PMFBP1: variants seen among roughly 807,000 people sequenced by gnomAD.
PMFBP1 encodes polyamine-modulated factor 1-binding protein 1.
A neutral mutation model predicts 137.8 loss-of-function variants in PMFBP1; 131 were observed. The observed-to-expected ratio is 0.95, with a 90% CI of 0.82 to 1.10. PMFBP1 has a LOEUF of 1.10. Ranked by LOEUF, PMFBP1 falls within the 50% of genes least tolerant of loss-of-function variation. The pLI is 0.00. For synonymous variants in PMFBP1, 490 were observed against 450.4 expected (o/e 1.09, Z -1.11); for missense variants, 1,199 against 1,175.4 (o/e 1.02, Z -0.29).
chr16:72,186,143 C>T, the PMFBP1 span, among the ~76,000 whole-genome samples: 2 of 152,140 alleles, frequency 1.3e-5, no homozygotes, highest in African/African-American at 2.4e-5. Context: ...ATAGACTACT[C>T]TGGTCCAGTC....
At chr16:72,234,913 G>A in the PMFBP1 span, among the ~76,000 whole-genome samples, 10 of 152,076 alleles carry the variant, frequency 6.6e-5, no homozygotes, top group South Asian at 6.2e-4. Context: ...TTGTTGAGTC[G>A]TAATAGTTCT....
chr16:72,132,612 G>A (rs901942797), intron 10 of PMFBP1, 136 bp downstream of exon 10: 24 of 1,379,484 alleles, frequency 1.7e-5, no homozygotes, highest in Non-Finnish European at 2.2e-5. Flanking sequence ...TATAGGATGA[G>A]GCCCTGAGAA....
chr16:72,123,616 C>G lies in PMFBP1; in HGVS notation c.2623G>C (p.Asp875His). The part of the protein sequence containing the change: ...CCLPQWSVPK[D>H]TCRLYRGNDQ... ...TTCCCTCGGTAGAGCCTACAGGTGTCTTTGGGCACAGACCACTGGGGCAGG... is the reference window on the plus strand; with the variant it reads ...TTCCCTCGGTAGAGCCTACAGGTGTGTTTGGGCACAGACCACTGGGGCAGG... Residue 875 changes from aspartate to histidine, a missense_variant, in exon 18 of 21, where the codon GAC becomes CAC. Physicochemically the swap from Asp to His is moderately conservative, Grantham distance 81. Transcript: ENST00000237353. The G allele has an allele frequency of 6.2e-7, 1 of 1,614,106 alleles. No individual in the cohort carries two copies. The highest frequency in any genetic ancestry group is 1.3e-5 in the African/African-American group (1 of 75,048).
At chr16:72,229,247 G>T in the PMFBP1 span, among the ~76,000 whole-genome samples, 1 of 152,100 alleles carries the variant, frequency 6.6e-6, no homozygotes, top group Non-Finnish European at 1.5e-5. Context: ...TTAAAATCCA[G>T]TCCACTGTTG....
intron 3 of PMFBP1, among the ~76,000 whole-genome samples, chr16:72,154,719 G>GA (rs1438803902): frequency 1.3e-5 from 2 of 152,062 alleles, no homozygotes; most frequent in Admixed American, 6.5e-5. Flanking sequence ...TAGGTCAGAA[G>GA]AAAAAATATA....
chr16:72,184,218 G>A, the PMFBP1 span, among the ~76,000 whole-genome samples: 2 of 151,902 alleles, frequency 1.3e-5, no homozygotes, highest in Non-Finnish European at 2.9e-5. Context: ...ATCCTCCCTG[G>A]TCTTGTTCTC....
At chr16:72,120,213 C>G in intron 19 of PMFBP1, 124 bp from the exon 20 acceptor site, 1 of 1,470,468 alleles carries the variant, frequency 6.8e-7, no homozygotes, top group Non-Finnish European at 9.3e-7. Context: ...TGTTCAGAGC[C>G]GGCCTGTTAC....
intron 5 of PMFBP1, among the ~76,000 whole-genome samples, chr16:72,146,109 G>C (rs1194674553): frequency 1.3e-5 from 2 of 152,166 alleles, no homozygotes; most frequent in East Asian, 3.8e-4. Flanking sequence ...GATGAACATT[G>C]ATGCGAAAAT....
chr16:72,118,519 A>C (rs1162414453), downstream of PMFBP1, among the ~76,000 whole-genome samples: 1 of 152,186 alleles, frequency 6.6e-6, no homozygotes, highest in African/African-American at 2.4e-5. Context: ...TGCCCCCCTC[A>C]GAAGTGTAAG....
upstream of PMFBP1, among the ~76,000 whole-genome samples, chr16:72,174,797 G>A (rs2043251728): frequency 6.6e-6 from 1 of 151,996 alleles, no homozygotes; most frequent in Non-Finnish European, 1.5e-5. Context: ...AACAGCATGG[G>A]GGAAAACACC....
At chr16:72,136,906 T>C in intron 7 of PMFBP1, 87 bp from the exon 8 acceptor site, 1 of 1,560,514 alleles carries the variant, frequency 6.4e-7, no homozygotes, top group African/African-American at 1.3e-5. Context: ...CAGTCAACAG[T>C]AAGTAGGGAC....
chr16:72,169,789 A>T (rs550072110), intron 2 of PMFBP1, among the ~76,000 whole-genome samples: 19 of 152,308 alleles, frequency 1.2e-4, no homozygotes, highest in Admixed American at 7.2e-4. Flanking sequence ...ACATTTCCCC[A>T]TGTATAATAT....
the PMFBP1 span, among the ~76,000 whole-genome samples, chr16:72,198,050 A>G: frequency 6.6e-6 from 1 of 152,106 alleles, no homozygotes; most frequent in Non-Finnish European, 1.5e-5. Flanking sequence ...TCCCTGAAAG[A>G]GTCTGGGGGT....
chr16:72,190,383 C>A, the PMFBP1 span, among the ~76,000 whole-genome samples: 18 of 152,176 alleles, frequency 1.2e-4, no homozygotes, highest in Non-Finnish European at 1.9e-4. Flanking sequence ...TTCAGCCATG[C>A]TTGATTTCTC....
chr16:72,130,298 G>C lies in PMFBP1; in HGVS notation c.1697C>G (p.Ser566Ter). 1.2e-6 allele frequency: 2 copies of C among 1,614,186 alleles called. No individual in the cohort carries two copies. The highest frequency in any genetic ancestry group is 1.7e-6 in the Non-Finnish European group (2 of 1,180,032). Residue 566 changes from serine (S) to a stop codon, truncating the protein, a stop_gained, in exon 12 of 21, where the codon TCA (serine) becomes TGA (stop). Transcript: ENST00000237353. LOFTEE classifies it high-confidence loss of function. ...LSEALRKLENSDKEKRQLQKT... is the reference protein window; with the variant it reads ...LSEALRKLEN ...CTGAAGCTGCCTCTTTTCCTTGTCTGAATTTTCAAGCTTCCTCAGGGCTTC... is the reference window on the plus strand; with the variant it reads ...CTGAAGCTGCCTCTTTTCCTTGTCTCAATTTTCAAGCTTCCTCAGGGCTTC...
At chr16:72,151,100 A>G (rs1020895895) in intron 4 of PMFBP1, among the ~76,000 whole-genome samples, 6 of 152,210 alleles carry the variant, frequency 3.9e-5, no homozygotes, top group African/African-American at 1.4e-4. Context: ...CAGAAACTCA[A>G]TGAATACTTG....
At chr16:72,162,144 T>G (rs2043071260) in intron 3 of PMFBP1, among the ~76,000 whole-genome samples, 1 of 152,222 alleles carries the variant, frequency 6.6e-6, no homozygotes, top group African/African-American at 2.4e-5. Flanking sequence ...CACTTTGAGA[T>G]GCTCTTTTGA....
At chr16:72,131,986 C>A (rs1319609133) in intron 10 of PMFBP1, among the ~76,000 whole-genome samples, 1 of 152,118 alleles carries the variant, frequency 6.6e-6, no homozygotes. Flanking sequence ...GCTGGGACTA[C>A]AGGTGCCCAC....
chr16:72,200,506 C>A, the PMFBP1 span, among the ~76,000 whole-genome samples: 6 of 152,164 alleles, frequency 3.9e-5, no homozygotes, highest in African/African-American at 1.4e-4. Context: ...CATTCCCGCA[C>A]ACAGAGGTAC....
Sources: allele counts gnomAD v4.1 joint callset (sites outside exome capture counted in the v4.1 genomes callset), GRCh38; gene constraint gnomAD v4.1.1; transcripts MANE v1.5; gene names NCBI Gene and HGNC (gene_info 2026-07-23, HGNC 2026-07-21).